LGR6: variants seen among roughly 807,000 people sequenced by gnomAD.
The protein encoded by LGR6 is leucine rich repeat containing G protein-coupled receptor 6.
LGR6 carries 45 observed loss-of-function variants against 69.4 expected under a neutral mutation model. The observed-to-expected ratio is 0.65, with a 90% CI of 0.51 to 0.83. The LOEUF (loss-of-function observed/expected upper bound fraction) is 0.83, where lower values mean the gene tolerates loss of function less well. LGR6 is among the 40% of genes least tolerant of loss of function. LGR6 has a pLI of 0.00. For missense variants in LGR6, 1,108 were observed against 1,246.7 expected (o/e 0.89, Z 1.68); for synonymous variants, 538 against 555.0 (o/e 0.97, Z 0.43).
At chr1:202,272,685 A>G (rs1220535723) in intron 4 of LGR6, among the ~76,000 whole-genome samples, 1 of 152,214 alleles carries the variant, frequency 6.6e-6, no homozygotes, top group Non-Finnish European at 1.5e-5. Context: ...TCTCCTGCCT[A>G]TGGGTTACAC....
intron 4 of LGR6, among the ~76,000 whole-genome samples, chr1:202,247,249 C>T (rs1018755009): frequency 1.3e-5 from 2 of 151,620 alleles, no homozygotes; most frequent in Non-Finnish European, 2.9e-5. Flanking sequence ...GCAGCATCGG[C>T]GTCACTTGGG....
intron 16 of LGR6, among the ~76,000 whole-genome samples, chr1:202,311,451 G>A (rs1341830922): frequency 2.0e-5 from 3 of 152,162 alleles, no homozygotes; most frequent in African/African-American, 7.2e-5. Flanking sequence ...CTTTAGGTCA[G>A]GAGTTCGAGA....
At chr1:202,295,911 G>A (rs1281586245) in intron 6 of LGR6, among the ~76,000 whole-genome samples, 1 of 130,322 alleles carries the variant, frequency 7.7e-6, no homozygotes, top group African/African-American at 2.7e-5. Context: ...GTGTGTGTGT[G>A]TGTGACAATT....
intron 1 of LGR6, among the ~76,000 whole-genome samples, chr1:202,199,403 T>G (rs1481873293): frequency 6.6e-6 from 1 of 152,098 alleles, no homozygotes; most frequent in East Asian, 1.9e-4. Context: ...GGTGAATGTG[T>G]GGGGGAGCCA....
chr1:202,297,519 A>G lies in LGR6; in HGVS notation c.728A>G (p.Tyr243Cys). Residue 243 changes from tyrosine (Y) to cysteine (C), a missense_variant, in exon 7 of 18, where the codon TAT (tyrosine) becomes TGT (cysteine). Coordinates refer to ENST00000367278, the MANE Select transcript of LGR6 (RefSeq NM_001017403.2). ...GCTTTCTGTTCCAGAGACCTGAATT[A>G]TAACAAGCTGCAGGAGTTCCCTGTG... ...LHNLETLDLN[Y>C]NKLQEFPVAI... The G allele has an allele frequency of 6.2e-7, 1 of 1,613,874 alleles. No homozygotes were observed.
intron 4 of LGR6, among the ~76,000 whole-genome samples, chr1:202,242,924 C>G (rs1412406658): frequency 6.6e-6 from 1 of 152,244 alleles, no homozygotes; most frequent in East Asian, 1.9e-4. Flanking sequence ...AGTCATTGCA[C>G]TTATTCTCTC....
intron 1 of LGR6, chr1:202,214,334 G>C: frequency 8.0e-7 from 1 of 1,242,676 alleles, no homozygotes; most frequent in Non-Finnish European, 1.1e-6. Context: ...CGGGTGGGGC[G>C]CTACCCGGGC....
intron 4 of LGR6, among the ~76,000 whole-genome samples, chr1:202,264,999 A>G (rs1292456079): frequency 1.3e-5 from 2 of 152,136 alleles, no homozygotes; most frequent in East Asian, 3.9e-4. Context: ...TGAGAGGCTG[A>G]CAGTGAGGGG....
chr1:202,228,937 TTGTA>T (rs1660786088), intron 3 of LGR6, among the ~76,000 whole-genome samples: 1 of 152,160 alleles, frequency 6.6e-6, no homozygotes, highest in Non-Finnish European at 1.5e-5. Flanking sequence ...CAGGTCTCCT[TTGTA>T]CAGTTGAGCA....
chr1:202,204,626 AACACACACACCTCCAAAC>A (rs1301167326), intron 1 of LGR6, among the ~76,000 whole-genome samples: 4 of 9,966 alleles, frequency 4.0e-4, no homozygotes, highest in Non-Finnish European at 6.1e-4. Context: ...ACCTCCTTCA[AACACACACACCTCCAAAC>A]ACACACACAC....
chr1:202,208,404 G>C (rs373109397), intron 1 of LGR6, among the ~76,000 whole-genome samples: 1 of 135,240 alleles, frequency 7.4e-6, no homozygotes, highest in East Asian at 2.1e-4. Flanking sequence ...GGAGAAGGAG[G>C]GGGGAGAGAG....
intron 6 of LGR6, among the ~76,000 whole-genome samples, chr1:202,297,211 TTTC>T (rs1226745848): frequency 1.3e-5 from 2 of 152,206 alleles, no homozygotes; most frequent in East Asian, 3.8e-4. Flanking sequence ...CTTGAGATGC[TTTC>T]TTCAGTTGGC....
At chr1:202,298,275 C>T (rs1186402414) in intron 7 of LGR6, among the ~76,000 whole-genome samples, 3 of 152,096 alleles carry the variant, frequency 2.0e-5, no homozygotes, top group African/African-American at 7.2e-5. Flanking sequence ...TGAGATGAGC[C>T]TTAAGGGATG....
At chr1:202,280,319 GCT>G (rs1464871996) in intron 5 of LGR6, among the ~76,000 whole-genome samples, 1 of 152,092 alleles carries the variant, frequency 6.6e-6, no homozygotes, top group Non-Finnish European at 1.5e-5. Context: ...TGTGTCTGTA[GCT>G]CTCTCCAGTT....
At chr1:202,264,997 T>C (rs1204404349) in intron 4 of LGR6, among the ~76,000 whole-genome samples, 1 of 152,110 alleles carries the variant, frequency 6.6e-6, no homozygotes, top group Non-Finnish European at 1.5e-5. Context: ...ATTGAGAGGC[T>C]GACAGTGAGG....
chr1:202,278,740 G>A (rs138637500), intron 5 of LGR6, among the ~76,000 whole-genome samples: 2 of 152,264 alleles, frequency 1.3e-5, no homozygotes, highest in African/African-American at 4.8e-5. Flanking sequence ...TAAAATCAAG[G>A]GTTGTACAGG....
chr1:202,291,759 A>T (rs1186023229), intron 6 of LGR6, among the ~76,000 whole-genome samples: 1 of 152,228 alleles, frequency 6.6e-6, no homozygotes, highest in Admixed American at 6.5e-5. Context: ...TCCAAAATGG[A>T]GGCCATTATG....
chr1:202,307,895 A>G (rs1653378064), intron 14 of LGR6, among the ~76,000 whole-genome samples: 2 of 152,244 alleles, frequency 1.3e-5, no homozygotes, highest in South Asian at 4.1e-4. Flanking sequence ...TGTTGGCTAC[A>G]TGGTCATTAT....
chr1:202,248,034 T>C (rs1662884810), intron 4 of LGR6, among the ~76,000 whole-genome samples: 1 of 152,188 alleles, frequency 6.6e-6, no homozygotes, highest in African/African-American at 2.4e-5. Flanking sequence ...TCCATCTGTT[T>C]ATGAGCTGTT....
Sources: gnomAD v4.1 joint callset for allele counts (sites outside exome capture counted in the v4.1 genomes callset) on GRCh38, gnomAD v4.1.1 for gene constraint, MANE v1.5 for transcripts, NCBI Gene and HGNC (gene_info 2026-07-23, HGNC 2026-07-21) for gene names.